The following PAWR variants were observed in gnomAD, a reference collection of about 807,000 sequenced individuals.
The protein encoded by PAWR is pro-apoptotic WT1 regulator, also known as PRKC apoptosis WT1 regulator protein.
In PAWR, 23 loss-of-function variants were observed where a neutral mutation model predicts 32.0. The observed-to-expected ratio is 0.72, with a 90% CI of 0.52 to 1.02. The LOEUF (loss-of-function observed/expected upper bound fraction) is 1.02, where lower values mean the gene tolerates loss of function less well. PAWR is among the 50% of genes least tolerant of loss of function. The pLI is 0.00. For synonymous variants in PAWR, 226 were observed against 187.1 expected, an observed-to-expected ratio of 1.21 and a Z score of -1.70; for missense variants, 457 against 437.7, an observed-to-expected ratio of 1.04 and a Z score of -0.39.
At chr12:79,596,485 A>C (rs772051721) in intron 5 of PAWR, 26 bp downstream of exon 5, 11 of 1,189,514 alleles carry the variant, frequency 9.2e-6, no homozygotes, top group African/African-American at 7.8e-5. Flanking sequence ...TAATTTTATC[A>C]ATCTTAAATA....
intron 2 of PAWR, among the ~76,000 whole-genome samples, chr12:79,625,719 C>CTAAG (rs1432301347): frequency 6.6e-6 from 1 of 151,904 alleles, no homozygotes; most frequent in African/African-American, 2.4e-5. Flanking sequence ...ACTCGGGAGG[C>CTAAG]TAAGGCAGGA....
At chr12:79,601,629 T>C (rs1264200627) in intron 4 of PAWR, among the ~76,000 whole-genome samples, 2 of 152,160 alleles carry the variant, frequency 1.3e-5, no homozygotes, top group Non-Finnish European at 2.9e-5. Context: ...TATGACAATA[T>C]AAAATAATCG....
intron 2 of PAWR, among the ~76,000 whole-genome samples, chr12:79,632,336 TA>T (rs1566010993): frequency 1.7e-5 from 1 of 57,578 alleles, no homozygotes; most frequent in Non-Finnish European, 2.6e-5. Flanking sequence ...TATATATATA[TA>T]TATATATATA....
chr12:79,652,015 G>C (rs1876873433), intron 2 of PAWR, among the ~76,000 whole-genome samples: 2 of 152,090 alleles, frequency 1.3e-5, no homozygotes, highest in South Asian at 4.1e-4. Flanking sequence ...AAATATGTAT[G>C]ATCTCCCTTC....
intron 6 of PAWR, among the ~76,000 whole-genome samples, chr12:79,593,439 TA>T (rs946845124): frequency 6.6e-5 from 10 of 152,128 alleles, no homozygotes; most frequent in African/African-American, 2.4e-4. Context: ...ACCATCTGGT[TA>T]AAACAAATTC....
chr12:79,669,170 T>TC (rs1376855171), intron 2 of PAWR, among the ~76,000 whole-genome samples: 2 of 152,176 alleles, frequency 1.3e-5, no homozygotes, highest in Non-Finnish European at 2.9e-5. Context: ...TGCAGAAGAT[T>TC]CCCCACACAG....
chr12:79,675,692 CAT>C (rs1290943987), intron 2 of PAWR, among the ~76,000 whole-genome samples: 1 of 152,028 alleles, frequency 6.6e-6, no homozygotes, highest in Admixed American at 6.6e-5. Flanking sequence ...ATTAAGTACA[CAT>C]GGACGCAAAG....
At position 79,591,896 on chromosome 12, in the gene PAWR, A is replaced by G. The variant is rs1363031240; in HGVS notation, c.*711T>C. 6.6e-6 allele frequency: 1 copy of G among 152,580 alleles called. No individual in the cohort carries two copies. Among genetic ancestry groups the G allele is most frequent in the Non-Finnish European group, 1.5e-5 (1 of 67,984 alleles). The allele number at this position is 152,580 out of a possible 1,614,324, so 9.5% of individuals were successfully genotyped here. A position where few individuals can be genotyped will look rare whatever the true frequency, so the allele number is the denominator to read the frequency against. On this transcript the variant is annotated 3_prime_UTR_variant, in exon 7 of 7. Coordinates refer to ENST00000328827, the MANE Select transcript of PAWR (RefSeq NM_002583.4). ...AACGATAAAAAAAGGTAGTACCTAC[A>G]TAAGAAATTTTACATTGAAATTACA...
intron 2 of PAWR, among the ~76,000 whole-genome samples, chr12:79,644,773 A>G (rs1254020066): frequency 6.6e-6 from 1 of 152,162 alleles, no homozygotes; most frequent in Non-Finnish European, 1.5e-5. Flanking sequence ...CTTAGATTCT[A>G]AACAGGTTTG....
chr12:79,652,552 A>G (rs1876899430), intron 2 of PAWR, among the ~76,000 whole-genome samples: 2 of 152,222 alleles, frequency 1.3e-5, no homozygotes, highest in Admixed American at 6.5e-5. Flanking sequence ...TTCTTTGGAA[A>G]AAGTTCAATC....
At chr12:79,657,993 A>G (rs1275531838) in intron 2 of PAWR, among the ~76,000 whole-genome samples, 1 of 152,182 alleles carries the variant, frequency 6.6e-6, no homozygotes, top group African/African-American at 2.4e-5. Context: ...GTCAAACAAG[A>G]TAAGGCCTTA....
At chr12:79,662,273 T>A (rs1197789533) in intron 2 of PAWR, among the ~76,000 whole-genome samples, 1 of 144,114 alleles carries the variant, frequency 6.9e-6, no homozygotes, top group Non-Finnish European at 1.5e-5. Context: ...GAAACAGTAA[T>A]ATAAATCATT....
chr12:79,673,615 G>A (rs1259337516), intron 2 of PAWR, among the ~76,000 whole-genome samples: 1 of 152,182 alleles, frequency 6.6e-6, no homozygotes, highest in Admixed American at 6.5e-5. Flanking sequence ...AGCTGAGCCT[G>A]AGCTCCTCTT....
At chr12:79,602,587 T>C (rs1874006723) in intron 4 of PAWR, among the ~76,000 whole-genome samples, 1 of 152,042 alleles carries the variant, frequency 6.6e-6, no homozygotes, top group African/African-American at 2.4e-5. Flanking sequence ...AAAAAATAAG[T>C]GTCATAAATA....
chr12:79,679,861 A>G (rs1209987871), intron 2 of PAWR, among the ~76,000 whole-genome samples: 1 of 152,104 alleles, frequency 6.6e-6, no homozygotes, highest in Non-Finnish European at 1.5e-5. Context: ...TCTGAAATCT[A>G]TTCTTTCTTT....
chr12:79,669,225 A>T (rs1407184265), intron 2 of PAWR, among the ~76,000 whole-genome samples: 2 of 152,204 alleles, frequency 1.3e-5, no homozygotes, highest in Admixed American at 1.3e-4. Flanking sequence ...ACAATATTAA[A>T]TTGAGGGTTT....
intron 2 of PAWR, among the ~76,000 whole-genome samples, chr12:79,640,663 C>A (rs1478609418): frequency 6.6e-6 from 1 of 152,078 alleles, no homozygotes; most frequent in African/African-American, 2.4e-5. Flanking sequence ...ATCACTTGGG[C>A]CCTGGAAGTC....
chr12:79,643,921 G>A (rs1876451540), intron 2 of PAWR, among the ~76,000 whole-genome samples: 1 of 152,094 alleles, frequency 6.6e-6, no homozygotes, highest in Non-Finnish European at 1.5e-5. Flanking sequence ...TAATTACTAG[G>A]TGAACAAACA....
chr12:79,666,438 C>T (rs998180192), intron 2 of PAWR, among the ~76,000 whole-genome samples: 6 of 152,122 alleles, frequency 3.9e-5, no homozygotes, highest in Admixed American at 2.6e-4. Flanking sequence ...GTCCAAGCAC[C>T]CCTGTGAGTC....
Sources: allele counts gnomAD v4.1 joint callset (sites outside exome capture counted in the v4.1 genomes callset), GRCh38; gene constraint gnomAD v4.1.1; transcripts MANE v1.5; gene names NCBI Gene and HGNC (gene_info 2026-07-23, HGNC 2026-07-21).